COG5: variants seen among roughly 807,000 people sequenced by gnomAD.
COG5 encodes conserved oligomeric Golgi complex subunit 5.
A neutral mutation model predicts 110.4 loss-of-function variants in COG5; 86 were observed. The observed-to-expected ratio is 0.78, with a 90% CI of 0.65 to 0.93. The LOEUF (loss-of-function observed/expected upper bound fraction) is 0.93. Among genes scored for constraint, COG5 ranks in the 40% least tolerant of loss-of-function variants. The pLI is 0.00. For missense variants in COG5, 1,077 were observed against 987.0 expected (o/e 1.09, Z -1.22); for synonymous variants, 360 against 334.6 (o/e 1.08, Z -0.83).
At chr7:107,342,344 AAG>A (rs1491154289) in intron 10 of COG5, among the ~76,000 whole-genome samples, 1 of 150,856 alleles carries the variant, frequency 6.6e-6, no homozygotes, top group East Asian at 1.9e-4. Context: ...GCTATTATAA[AAG>A]AGTCAAAACA....
At chr7:107,378,920 G>C (rs903966112) in intron 7 of COG5, among the ~76,000 whole-genome samples, 1 of 152,064 alleles carries the variant, frequency 6.6e-6, no homozygotes, top group Admixed American at 6.6e-5. Context: ...GAAATACAGA[G>C]AACACCACAA....
At chr7:107,296,454 C>A (rs1806756044) in intron 12 of COG5, among the ~76,000 whole-genome samples, 1 of 151,936 alleles carries the variant, frequency 6.6e-6, no homozygotes, top group Non-Finnish European at 1.5e-5. Flanking sequence ...AGGTTCTGTT[C>A]TCTTTTGCCC....
rs1798348527 is a variant in COG5, at chr7:107,201,922, C to G, written c.*1594G>C. 1 of 152,918 alleles carries G rather than the reference C, an allele frequency of 6.5e-6. No homozygotes were observed. Among genetic ancestry groups the G allele is most frequent in the Non-Finnish European group, 1.5e-5 (1 of 68,270 alleles). The allele number at this position is 152,918 out of a possible 1,614,324, so 9.5% of individuals were successfully genotyped here. On this transcript the variant is annotated 3_prime_UTR_variant, in exon 22 of 22. Coordinates refer to ENST00000297135, the MANE Select transcript of COG5 (RefSeq NM_006348.5). The stretch of plus-strand genomic sequence containing the variant: ...CCACCACATGGCTCAGCATCTGTGC[C>G]AAACATAGGCGCTCCTAGTCTGGTC...
chr7:107,562,703 A>C (rs1253296093), intron 1 of COG5, among the ~76,000 whole-genome samples: 5 of 152,232 alleles, frequency 3.3e-5, no homozygotes, highest in African/African-American at 1.2e-4. Context: ...AGTTCAGAAA[A>C]CATCATTGCT....
chr7:107,310,720 A>G (rs535412118), intron 11 of COG5, among the ~76,000 whole-genome samples: 22 of 152,350 alleles, frequency 1.4e-4, no homozygotes, highest in African/African-American at 5.0e-4. Context: ...GCTAGTCATT[A>G]GGGAGCAGGT....
intron 2 of COG5, among the ~76,000 whole-genome samples, chr7:107,557,100 G>C (rs1273072391): frequency 6.6e-6 from 1 of 152,088 alleles, no homozygotes; most frequent in African/African-American, 2.4e-5. Context: ...TGTCAATAAA[G>C]ATTGAAATCA....
chr7:107,292,083 C>G (rs567567455), intron 12 of COG5, among the ~76,000 whole-genome samples: 2 of 152,250 alleles, frequency 1.3e-5, no homozygotes, highest in Admixed American at 6.5e-5. Context: ...GTCACCTAAG[C>G]TGGAGTATAG....
intron 6 of COG5, among the ~76,000 whole-genome samples, chr7:107,463,761 G>A (rs909175054): frequency 7.2e-5 from 11 of 152,114 alleles, no homozygotes; most frequent in Admixed American, 2.6e-4. Context: ...ACAAGGTAGC[G>A]GGGAAAATCT....
chr7:107,271,062 G>A (rs996274922), intron 14 of COG5, among the ~76,000 whole-genome samples: 32 of 151,626 alleles, frequency 2.1e-4, no homozygotes, highest in African/African-American at 7.5e-4. Flanking sequence ...AGAGCAAATC[G>A]CTCTGCATTG....
chr7:107,241,433 T>G (rs1464133118), intron 17 of COG5, among the ~76,000 whole-genome samples: 3 of 147,928 alleles, frequency 2.0e-5, no homozygotes, highest in African/African-American at 7.4e-5. Flanking sequence ...TCTATCTATA[T>G]ATATATATAT....
rs1798321713 is a variant in COG5, at chr7:107,201,683, G to A, written c.*1833C>T. On this transcript the variant is annotated 3_prime_UTR_variant, in exon 22 of 22. Coordinates refer to ENST00000297135, the MANE Select transcript of COG5 (RefSeq NM_006348.5). ...TTCCAAACTTCATATATGTCTATCA[G>A]GTAATAATAGGCTTGAAAATTGATA... is the stretch of plus-strand genomic sequence containing the variant. The A allele has an allele frequency of 2.7e-6, 1 of 370,906 alleles. No individual in the cohort carries two copies. The highest frequency in any genetic ancestry group is 2.1e-5 in the African/African-American group (1 of 47,974). 23.0% of individuals were successfully genotyped at this position (370,906 alleles called of 1,614,324 possible).
chr7:107,320,170 T>C (rs1441088138), intron 11 of COG5, among the ~76,000 whole-genome samples: 1 of 152,068 alleles, frequency 6.6e-6, no homozygotes, highest in Non-Finnish European at 1.5e-5. Context: ...ACTGAAAAAT[T>C]GGTGACTCTG....
chr7:107,302,336 A>C (rs1807335324), intron 11 of COG5, among the ~76,000 whole-genome samples: 1 of 152,200 alleles, frequency 6.6e-6, no homozygotes, highest in Non-Finnish European at 1.5e-5. Flanking sequence ...ACCATATAGT[A>C]ACAAAAAGCA....
chr7:107,458,643 C>T (rs1056458043), intron 6 of COG5, among the ~76,000 whole-genome samples: 4 of 152,060 alleles, frequency 2.6e-5, no homozygotes, highest in African/African-American at 7.2e-5. Context: ...TCACATGAGG[C>T]CAGGAGTTGA....
At chr7:107,428,838 C>G (rs1002385389) in intron 6 of COG5, among the ~76,000 whole-genome samples, 3 of 152,218 alleles carry the variant, frequency 2.0e-5, no homozygotes, top group Non-Finnish European at 4.4e-5. Context: ...ACAACACTCA[C>G]TGGCGTATTA....
chr7:107,248,586 A>G, intron 16 of COG5, 87 bp from the exon 17 acceptor site: 1 of 861,346 alleles, frequency 1.2e-6, no homozygotes, highest in East Asian at 2.5e-5. Context: ...AAACACCGTG[A>G]CTAACAGTTT....
At chr7:107,541,545 T>C (rs931629468) in intron 5 of COG5, among the ~76,000 whole-genome samples, 65 of 136,404 alleles carry the variant, frequency 4.8e-4, no homozygotes, top group African/African-American at 1.6e-3. Flanking sequence ...TATATATATG[T>C]ATTTATGCGT....
chr7:107,296,852 A>T (rs1399712919), intron 12 of COG5, among the ~76,000 whole-genome samples: 1 of 152,098 alleles, frequency 6.6e-6, no homozygotes, highest in Non-Finnish European at 1.5e-5. Flanking sequence ...TCTATCCAAC[A>T]TTTTTCTTAC....
chr7:107,306,644 A>G (rs1329225690), intron 11 of COG5, among the ~76,000 whole-genome samples: 5 of 152,320 alleles, frequency 3.3e-5, no homozygotes, highest in South Asian at 2.1e-4. Context: ...ATGGAATCCA[A>G]TACCAACTAG....
Sources: gnomAD v4.1 joint callset for allele counts (sites outside exome capture counted in the v4.1 genomes callset) on GRCh38, gnomAD v4.1.1 for gene constraint, MANE v1.5 for transcripts, NCBI Gene and HGNC (gene_info 2026-07-23, HGNC 2026-07-21) for gene names.